GABBR2: variants seen among roughly 807,000 people sequenced by gnomAD.
The protein encoded by GABBR2 is gamma-aminobutyric acid type B receptor subunit 2.
A neutral mutation model predicts 105.6 loss-of-function variants in GABBR2; 23 were observed. The observed-to-expected ratio is 0.22, with a 90% CI of 0.16 to 0.31. The LOEUF is 0.31. Among genes scored for constraint, GABBR2 ranks in the 10% least tolerant of loss-of-function variants. GABBR2 has a pLI of 1.00. For missense variants in GABBR2, 734 were observed against 1,245.5 expected, an observed-to-expected ratio of 0.59 and a Z score of 6.18; for synonymous variants, 478 against 499.7, an observed-to-expected ratio of 0.96 and a Z score of 0.58.
At chr9:98,292,035 T>C (rs1219754631) in intron 18 of GABBR2, among the ~76,000 whole-genome samples, 1 of 152,224 alleles carries the variant, frequency 6.6e-6, no homozygotes, top group Non-Finnish European at 1.5e-5. Context: ...ATGACTGTCA[T>C]GTCACTTTGT....
chr9:98,481,813 A>T (rs1203125423), intron 4 of GABBR2, among the ~76,000 whole-genome samples: 1 of 152,198 alleles, frequency 6.6e-6, no homozygotes, highest in African/African-American at 2.4e-5. Flanking sequence ...AGCTCTATAC[A>T]TGGGATTACA....
chr9:98,561,348 C>T (rs556190986), intron 2 of GABBR2, among the ~76,000 whole-genome samples: 1 of 151,432 alleles, frequency 6.6e-6, no homozygotes, highest in South Asian at 2.1e-4. Flanking sequence ...ATACCTAGTA[C>T]CCAAATGTTG....
intron 4 of GABBR2, among the ~76,000 whole-genome samples, chr9:98,489,864 G>A (rs150588146): frequency 4.6e-4 from 70 of 152,298 alleles, no homozygotes; most frequent in Middle Eastern, 6.8e-3. Context: ...AGGTCAAGGC[G>A]GACGGATCAC....
chr9:98,680,336 C>T (rs968520806), intron 1 of GABBR2, among the ~76,000 whole-genome samples: 21 of 152,052 alleles, frequency 1.4e-4, no homozygotes, highest in African/African-American at 4.8e-4. Context: ...GACAGAGTCT[C>T]GCTCTGTCAT....
At chr9:98,378,941 G>C (rs920130090) in intron 11 of GABBR2, among the ~76,000 whole-genome samples, 10 of 152,224 alleles carry the variant, frequency 6.6e-5, no homozygotes, top group African/African-American at 2.2e-4. Context: ...AGTAGAGGCA[G>C]CTGGGAGCTA....
chr9:98,387,207 T>G (rs1832089107), intron 10 of GABBR2, among the ~76,000 whole-genome samples: 1 of 152,182 alleles, frequency 6.6e-6, no homozygotes, highest in Non-Finnish European at 1.5e-5. Flanking sequence ...TTCTGCAGAT[T>G]TTTAAATAGC....
At chr9:98,348,510 G>A (rs1831337781) in intron 13 of GABBR2, among the ~76,000 whole-genome samples, 1 of 152,088 alleles carries the variant, frequency 6.6e-6, no homozygotes, top group South Asian at 2.1e-4. Context: ...TTGAATCTGT[G>A]GACTGCCTGG....
At chr9:98,592,454 T>C (rs898629575) in intron 1 of GABBR2, among the ~76,000 whole-genome samples, 3 of 152,208 alleles carry the variant, frequency 2.0e-5, no homozygotes, top group African/African-American at 4.8e-5. Context: ...AGTGACTCCA[T>C]GGGGTAGATA....
At chr9:98,361,061 T>C (rs1831573357) in intron 13 of GABBR2, among the ~76,000 whole-genome samples, 1 of 152,132 alleles carries the variant, frequency 6.6e-6, no homozygotes, top group Non-Finnish European at 1.5e-5. Context: ...TTTTTTCTCC[T>C]CATCTGTAGA....
intron 1 of GABBR2, among the ~76,000 whole-genome samples, chr9:98,651,030 C>T (rs559987157): frequency 6.6e-6 from 1 of 152,090 alleles, no homozygotes; most frequent in Non-Finnish European, 1.5e-5. Context: ...GTGAATATAC[C>T]TAATGCCACT....
rs371552678 is a variant in GABBR2 at position 98,684,331 on chromosome 9, CTCTT to C, written c.321+24082_321+24085del. 5.6e-3 allele frequency among the ~76,000 whole-genome samples: 847 copies of C among 152,134 alleles called. 10 individuals carry two copies. Among genetic ancestry groups the C allele is most frequent in the African/African-American group, 0.016 (681 of 41,508 alleles). ...GGTTATAAGTGATTTGAATTTTCCT[CTCTT>C]TATTTGCATTTTCCAAATTTTCTAC... On this transcript the variant is annotated intron_variant, in intron 1 of 18. Coordinates refer to ENST00000259455, the MANE Select transcript of GABBR2 (RefSeq NM_005458.8).
chr9:98,417,029 G>A (rs1014206405), intron 7 of GABBR2, among the ~76,000 whole-genome samples: 1 of 152,136 alleles, frequency 6.6e-6, no homozygotes, highest in Non-Finnish European at 1.5e-5. Flanking sequence ...CAATGCTCCC[G>A]GCTCCTTCCT....
At chr9:98,555,006 A>C (rs1471873794) in intron 2 of GABBR2, among the ~76,000 whole-genome samples, 1 of 152,184 alleles carries the variant, frequency 6.6e-6, no homozygotes, top group Non-Finnish European at 1.5e-5. Context: ...TGGGAACTTC[A>C]GTCTCCTCCT....
chr9:98,560,797 T>TAC lies in GABBR2; in HGVS notation c.459+17136_459+17137dup, dbSNP rs533348529. Among the ~76,000 whole-genome samples the TAC allele has an allele frequency of 5.8e-4, 86 of 148,068 alleles. 1 individual carries two copies. The highest frequency in any genetic ancestry group is 3.6e-3 in the Middle Eastern group (1 of 276). ...ATATAGTAGTGTATATATATATATA[T>TAC]ACATAGACACACATATACATATATG... On this transcript the variant is annotated intron_variant, in intron 2 of 18. Transcript: ENST00000259455.
chr9:98,335,769 T>C (rs536479727), intron 13 of GABBR2, among the ~76,000 whole-genome samples: 2 of 152,360 alleles, frequency 1.3e-5, no homozygotes, highest in South Asian at 2.1e-4. Flanking sequence ...TCAATCCAGC[T>C]ACTGAGCAAC....
intron 13 of GABBR2, among the ~76,000 whole-genome samples, chr9:98,316,352 A>G (rs1012435662): frequency 3.9e-5 from 6 of 152,048 alleles, no homozygotes; most frequent in Non-Finnish European, 8.8e-5. Flanking sequence ...GGGTTTCTCC[A>G]TGTTGGTCAG....
At chr9:98,610,927 G>A (rs1261385949) in intron 1 of GABBR2, among the ~76,000 whole-genome samples, 2 of 152,254 alleles carry the variant, frequency 1.3e-5, no homozygotes, top group Non-Finnish European at 2.9e-5. Context: ...GGGAGGCAAA[G>A]GTTGAGTGAG....
At chr9:98,475,334 C>T (rs544394081) in intron 5 of GABBR2, among the ~76,000 whole-genome samples, 157 of 151,052 alleles carry the variant, frequency 1.0e-3, no homozygotes, top group Admixed American at 2.4e-3. Flanking sequence ...GAAATTTAGT[C>T]CACAGAAACT....
intron 7 of GABBR2, among the ~76,000 whole-genome samples, chr9:98,434,795 A>G (rs114068444): frequency 0.021 from 3,133 of 152,312 alleles, 96 homozygotes; most frequent in African/African-American, 0.071. Context: ...GGCTGCGGGC[A>G]TGGAGAGTCA....
Sources: gnomAD v4.1 joint callset for allele counts (sites outside exome capture counted in the v4.1 genomes callset) on GRCh38, gnomAD v4.1.1 for gene constraint, MANE v1.5 for transcripts, NCBI Gene and HGNC (gene_info 2026-07-23, HGNC 2026-07-21) for gene names.